The following FAM149A variants were observed in gnomAD, a reference collection of about 807,000 sequenced individuals.
The protein encoded by FAM149A is family with sequence similarity 149 member A, also known as protein FAM149A.
Under a neutral mutation model 78.2 loss-of-function variants are expected in FAM149A, and 71 were observed. The ratio of observed to expected loss-of-function variants is 0.91; its 90% CI spans 0.75 to 1.11. FAM149A has a LOEUF of 1.11. FAM149A is among the 50% of genes least tolerant of loss of function. FAM149A has a pLI of 0.00. For missense variants in FAM149A, 1,036 were observed against 971.0 expected (o/e 1.07, Z -0.89); for synonymous variants, 446 against 410.5 (o/e 1.09, Z -1.04).
In FAM149A at chr4:186,164,163, T is replaced by G. The variant is rs1164492026; in HGVS notation, c.1889+530T>G. Among the ~76,000 whole-genome samples, 1 of 152,234 alleles carries G rather than the reference T, an allele frequency of 6.6e-6. No individual in the cohort carries two copies. Among genetic ancestry groups the G allele is most frequent in the Non-Finnish European group, 1.5e-5 (1 of 68,040 alleles). ...CTAACTTACCAGTATCGGCCAATAC[T>G]TACATTGATAATAATAGCTAATGTT... On this transcript the variant is annotated intron_variant, in intron 10 of 13. Transcript: ENST00000389354. The surrounding 1 kb of genome is among the most constrained non-coding windows in gnomAD (Gnocchi z 4.0).
chr4:186,147,693 T>C (rs1475867250), intron 1 of FAM149A, among the ~76,000 whole-genome samples: 1 of 152,012 alleles, frequency 6.6e-6, no homozygotes, highest in African/African-American at 2.4e-5. Flanking sequence ...ATCTATTTGA[T>C]GTAACTTTTA....
intron 13 of FAM149A, chr4:186,170,040 CA>C: frequency 3.1e-6 from 2 of 653,286 alleles, no homozygotes; most frequent in Non-Finnish European, 3.8e-6. Context: ...AGGGTATGTC[CA>C]GGCCCCCTCA....
At chr4:186,170,154 G>A (rs533519167) in intron 13 of FAM149A, among the ~76,000 whole-genome samples, 20 of 152,296 alleles carry the variant, frequency 1.3e-4, no homozygotes, top group African/African-American at 4.3e-4. Flanking sequence ...TGTGCAGTCC[G>A]GAAGGGAGGG....
At chr4:186,134,562 A>G (rs543249546) in intron 1 of FAM149A, among the ~76,000 whole-genome samples, 151 of 152,170 alleles carry the variant, frequency 9.9e-4, no homozygotes, top group African/African-American at 3.6e-3. Flanking sequence ...TGCTCTCCCA[A>G]ATGTCTTCGT....
Position 186,156,023 on chromosome 4 carries a change from A to G in FAM149A, c.1253A>G (p.Lys418Arg), listed in dbSNP as rs202147474. The change falls in exon 7 of 14, where the codon AAA (lysine) becomes AGA (arginine). Residue 418 changes from lysine to arginine, a missense_variant. Lys to Arg is a conservative substitution (Grantham distance 26, BLOSUM62 2). Transcript: ENST00000389354. ...AGTGATGATGAATGTCTTGAACAAAAACCAGCTCAGCCCGGTAGGAAATGG... is the reference window on the plus strand; with the variant it reads ...AGTGATGATGAATGTCTTGAACAAAGACCAGCTCAGCCCGGTAGGAAATGG... The G allele has an allele frequency of 1.2e-6, 2 of 1,612,966 alleles. No homozygotes were observed. The highest frequency in any genetic ancestry group is 4.5e-5 in the East Asian group (2 of 44,880).
At chr4:186,155,089 A>C (rs924412643) in intron 6 of FAM149A, 3 of 252,418 alleles carry the variant, frequency 1.2e-5, no homozygotes, top group Non-Finnish European at 1.9e-5. Flanking sequence ...CAGCCTCCCG[A>C]GTAGCTGGAA....
chr4:186,141,895 G>A (rs1262040679), intron 1 of FAM149A, among the ~76,000 whole-genome samples: 1 of 152,168 alleles, frequency 6.6e-6, no homozygotes, highest in African/African-American at 2.4e-5. Flanking sequence ...GTAACTAATG[G>A]ATGGGGTGAA....
intron 1 of FAM149A, chr4:186,133,351 T>A (rs1428417794): frequency 8.4e-6 from 2 of 237,780 alleles, no homozygotes; most frequent in East Asian, 3.6e-4. Flanking sequence ...TACCAGTAAC[T>A]CCCCGTTCCT....
intron 1 of FAM149A, among the ~76,000 whole-genome samples, chr4:186,135,117 C>G (rs966226522): frequency 6.6e-6 from 1 of 152,184 alleles, no homozygotes; most frequent in African/African-American, 2.4e-5. Context: ...TGGGTTTTTA[C>G]GAGCTCTCTG....
At chr4:186,116,529 A>G (rs944661447) in intron 1 of FAM149A, 4 of 985,248 alleles carry the variant, frequency 4.1e-6, no homozygotes, top group Admixed American at 6.1e-5. Context: ...CGAGAAAACA[A>G]TTTTGTTCTG....
intron 3 of FAM149A, among the ~76,000 whole-genome samples, chr4:186,150,459 G>C (rs557308026): frequency 3.0e-5 from 3 of 101,648 alleles, no homozygotes; most frequent in African/African-American, 7.4e-5. Context: ...TCGCTCTGTC[G>C]CCCAGGCTGG....
chr4:186,127,682 G>T (rs2099318903), intron 1 of FAM149A: 1 of 803,650 alleles, frequency 1.2e-6, no homozygotes, highest in Non-Finnish European at 1.5e-6. Flanking sequence ...GAAATATTCT[G>T]GTGGTTTTTG....
intron 1 of FAM149A, among the ~76,000 whole-genome samples, chr4:186,141,018 A>G (rs957309497): frequency 6.6e-6 from 1 of 152,208 alleles, no homozygotes; most frequent in Non-Finnish European, 1.5e-5. Context: ...AGCATCTGGT[A>G]TTTTTAAGAA....
chr4:186,126,179 G>A (rs1054752619), intron 1 of FAM149A: 9 of 825,958 alleles, frequency 1.1e-5, no homozygotes, highest in Admixed American at 6.2e-5. Context: ...GGGGTACCTC[G>A]AGTAAGCCTC....
At chr4:186,117,542 C>T in intron 1 of FAM149A, 6 of 985,402 alleles carry the variant, frequency 6.1e-6, no homozygotes, top group Non-Finnish European at 7.2e-6. Flanking sequence ...CACATGGACA[C>T]CTGGGGCTTG....
chr4:186,142,367 A>C (rs2099326197), intron 1 of FAM149A, among the ~76,000 whole-genome samples: 1 of 152,194 alleles, frequency 6.6e-6, no homozygotes, highest in South Asian at 2.1e-4. Context: ...GTACGCGGAC[A>C]TGCTTTAGAT....
At position 186,121,140 on chromosome 4, in the gene FAM149A, T is replaced by G. The variant is rs1016344859; in HGVS notation, c.566+15498T>G. On this transcript the variant is annotated intron_variant, in intron 1 of 13. Coordinates refer to ENST00000389354, the MANE Select transcript of FAM149A (RefSeq NM_001367768.3). ...TATGTTTCTTGTAAATTATTTTATG[T>G]ATGATGATACCAAATATATTTTATT... Among the ~76,000 whole-genome samples, 8 of 152,326 alleles carry G rather than the reference T, an allele frequency of 5.3e-5. No homozygotes were observed. In the East Asian group the frequency reaches 1.5e-3, roughly 29 times the overall value.
chr4:186,160,850 G>A (rs555982484), intron 8 of FAM149A: 22 of 985,274 alleles, frequency 2.2e-5, no homozygotes, highest in East Asian at 2.3e-4. Flanking sequence ...TGAAACTTGC[G>A]TATATAGACT....
At chr4:186,157,983 C>G (rs770081854) in intron 8 of FAM149A, 16 of 1,501,122 alleles carry the variant, frequency 1.1e-5, no homozygotes, top group Non-Finnish European at 1.4e-5. Flanking sequence ...CGGCACCACC[C>G]TTGGCTTCCA....
Sources: allele counts gnomAD v4.1 joint callset (sites outside exome capture counted in the v4.1 genomes callset), GRCh38; gene constraint gnomAD v4.1.1; non-coding constraint Gnocchi (gnomAD v3.1); transcripts MANE v1.5; gene names NCBI Gene and HGNC (gene_info 2026-07-23, HGNC 2026-07-21).